ZDHHC15: variants seen among roughly 807,000 people sequenced by gnomAD.
ZDHHC15 encodes the protein zDHHC palmitoyltransferase 15.
A neutral mutation model predicts 31.7 loss-of-function variants in ZDHHC15; 19 were observed. That is an observed-to-expected ratio of 0.60 (90% CI 0.42 to 0.88). The LOEUF is 0.88. ZDHHC15 is among the 40% of genes least tolerant of loss of function. The pLI is 0.00. For missense variants in ZDHHC15, 209 were observed against 251.2 expected, an observed-to-expected ratio of 0.83 and a Z score of 1.14; for synonymous variants, 103 against 90.0, an observed-to-expected ratio of 1.14 and a Z score of -0.82.
chrX:75,384,682 G>T (rs1241588732), intron 10 of ZDHHC15: 3 of 823,886 alleles, frequency 3.6e-6, no homozygotes, highest in Non-Finnish European at 5.4e-6. Context: ...GAATGAAAAT[G>T]ATCAGAGAAA....
intron 4 of ZDHHC15, among the ~76,000 whole-genome samples, chrX:75,434,926 C>A (rs1292508187): frequency 8.9e-6 from 1 of 112,099 alleles, no homozygotes; most frequent in East Asian, 2.8e-4. Flanking sequence ...TTGCTTTTGG[C>A]AGCATGGTCA....
rs747127842 is a variant in ZDHHC15 at position 75,522,994 on chromosome X, C to A, written c.31G>T (p.Gly11Trp). 2 of 1,210,998 alleles carry A rather than the reference C, an allele frequency of 1.7e-6. No individual in the cohort carries two copies. The highest frequency in any genetic ancestry group is 1.7e-5 in the African/African-American group (1 of 57,798). The change falls in exon 1 of 12, where the codon GGG (glycine) becomes TGG (tryptophan). Residue 11 changes from glycine to tryptophan, a missense_variant. Coordinates refer to ENST00000373367, the MANE Select transcript of ZDHHC15 (RefSeq NM_144969.3). MRRGWKMALS[G>W]GLRCCRRVLS... ...ACCCGGCGGCAGCACCGCAGCCCCC[C>A]AGACAGAGCCATCTTCCAGCCTCGC...
chrX:75,479,554 TA>T (rs1451371368), intron 2 of ZDHHC15, among the ~76,000 whole-genome samples: 5 of 111,680 alleles, frequency 4.5e-5, no homozygotes, highest in Non-Finnish European at 9.4e-5. Context: ...AAAATTTCGT[TA>T]CATGCATAGG....
chrX:75,430,073 C>T, intron 5 of ZDHHC15, 93 bp from the exon 6 acceptor site: 1 of 980,247 alleles, frequency 1.0e-6, no homozygotes. Context: ...AGTATTTTTA[C>T]ATGGTTCTAA....
intron 1 of ZDHHC15, among the ~76,000 whole-genome samples, chrX:75,509,567 G>C (rs954762236): frequency 2.3e-4 from 26 of 111,934 alleles, no homozygotes; most frequent in African/African-American, 8.4e-4. Flanking sequence ...TGACATGTTT[G>C]GGAAGAGAGT....
chrX:75,426,941 A>T (rs1284312197), intron 7 of ZDHHC15, among the ~76,000 whole-genome samples: 1 of 111,750 alleles, frequency 8.9e-6, no homozygotes, highest in Non-Finnish European at 1.9e-5. Flanking sequence ...CTAATAATTC[A>T]TGCTTTGCCT....
At chrX:75,429,254 GATAC>G in intron 6 of ZDHHC15, 56 bp from the exon 7 acceptor site, 1 of 1,150,662 alleles carries the variant, frequency 8.7e-7, no homozygotes, top group Non-Finnish European at 1.2e-6. Context: ...AGAGCACACT[GATAC>G]ATAAGTGAAC....
At chrX:75,422,097 T>G in intron 8 of ZDHHC15, 107 bp from the exon 9 acceptor site, 1 of 976,919 alleles carries the variant, frequency 1.0e-6, no homozygotes, top group Non-Finnish European at 1.4e-6. Flanking sequence ...CTTGGTTCTA[T>G]TATATCTTTT....
chrX:75,490,112 G>C (rs1039969042), intron 2 of ZDHHC15, among the ~76,000 whole-genome samples: 6 of 111,921 alleles, frequency 5.4e-5, no homozygotes, highest in African/African-American at 1.9e-4. Flanking sequence ...ATCTACGTCT[G>C]ACTGGTGTAC....
chrX:75,454,686 G>T (rs1362245554), intron 3 of ZDHHC15, among the ~76,000 whole-genome samples: 2 of 111,467 alleles, frequency 1.8e-5, no homozygotes, highest in Non-Finnish European at 3.8e-5. Flanking sequence ...AACGGGTGGA[G>T]CACACCAACA....
rs1249741582 is a variant in ZDHHC15, at chrX:75,494,570, T to G, written c.163+11251A>C. The stretch of plus-strand genomic sequence containing the variant: ...ACAGTAACCAAAACAGCATGGTACT[T>G]GTACCAAAACAGATATATAGACCAA... On this transcript the variant is annotated intron_variant, in intron 2 of 11. Coordinates refer to ENST00000373367, the MANE Select transcript of ZDHHC15 (RefSeq NM_144969.3). Among the ~76,000 whole-genome samples, 4 of 111,931 alleles carry G rather than the reference T, an allele frequency of 3.6e-5. No individual in the cohort carries two copies. In the South Asian group the frequency reaches 1.1e-3, roughly 31 times the overall value.
chrX:75,403,066 A>G (rs755923545), intron 10 of ZDHHC15, among the ~76,000 whole-genome samples: 1 of 112,474 alleles, frequency 8.9e-6, no homozygotes, highest in East Asian at 2.8e-4. Flanking sequence ...CATCCCCGGA[A>G]TGCAAAGTTG....
At chrX:75,516,608 T>C (rs1403029838) in intron 1 of ZDHHC15, among the ~76,000 whole-genome samples, 1 of 112,218 alleles carries the variant, frequency 8.9e-6, no homozygotes, top group Non-Finnish European at 1.9e-5. Flanking sequence ...AAGACTTAAA[T>C]GTTAGACCTA....
intron 3 of ZDHHC15, 49 bp downstream of exon 3, chrX:75,478,842 T>A (rs2084645236): frequency 1.0e-6 from 1 of 980,875 alleles, no homozygotes; most frequent in Non-Finnish European, 1.4e-6. Flanking sequence ...TTATTGTCAC[T>A]TCTACTTTTT....
intron 4 of ZDHHC15, among the ~76,000 whole-genome samples, chrX:75,435,366 T>C: frequency 8.9e-6 from 1 of 111,816 alleles, no homozygotes; most frequent in Middle Eastern, 4.6e-3. Context: ...TGGCTAGGAC[T>C]TCCAGTACTA....
chrX:75,481,532 T>C (rs1369629574), intron 2 of ZDHHC15, among the ~76,000 whole-genome samples: 1 of 111,757 alleles, frequency 8.9e-6, no homozygotes, highest in Non-Finnish European at 1.9e-5. Context: ...GTTAAATAAA[T>C]CGGTAGAAAA....
intron 1 of ZDHHC15, among the ~76,000 whole-genome samples, chrX:75,510,665 C>T (rs1326499462): frequency 4.6e-5 from 4 of 86,023 alleles, no homozygotes; most frequent in East Asian, 8.6e-4. Flanking sequence ...CATGCTGGTG[C>T]GCTGCACCCA....
At chrX:75,442,701 A>G (rs1004546159) in intron 4 of ZDHHC15, among the ~76,000 whole-genome samples, 1 of 111,682 alleles carries the variant, frequency 9.0e-6, no homozygotes, top group African/African-American at 3.2e-5. Context: ...AAAAATCAAT[A>G]TTGGGCCGGG....
chrX:75,418,216 G>T (rs1380141205), intron 9 of ZDHHC15, among the ~76,000 whole-genome samples: 1 of 111,396 alleles, frequency 9.0e-6, no homozygotes, highest in Non-Finnish European at 1.9e-5. Flanking sequence ...AGGTTAGTTG[G>T]ATACACCACA....
Sources: allele counts gnomAD v4.1 joint callset (sites outside exome capture counted in the v4.1 genomes callset), GRCh38; gene constraint gnomAD v4.1.1; transcripts MANE v1.5; gene names NCBI Gene and HGNC (gene_info 2026-07-23, HGNC 2026-07-21).